Variants in SLIT2 observed in about 807,000 individuals in gnomAD.
SLIT2 encodes the protein slit guidance ligand 2.
A neutral mutation model predicts 185.7 loss-of-function variants in SLIT2; 41 were observed. The ratio of observed to expected loss-of-function variants is 0.22; its 90% CI spans 0.17 to 0.29. The LOEUF (loss-of-function observed/expected upper bound fraction) is 0.29, where lower values mean the gene tolerates loss of function less well. Among genes scored for constraint, SLIT2 ranks in the 10% least tolerant of loss-of-function variants. The pLI, the probability that SLIT2 is intolerant of heterozygous loss-of-function variation, is 1.00. For synonymous variants in SLIT2, 693 were observed against 680.2 expected, an observed-to-expected ratio of 1.02 and a Z score of -0.29; for missense variants, 1,571 against 1,909.0, an observed-to-expected ratio of 0.82 and a Z score of 3.30.
At chr4:20,511,600 T>TTTTTTTTTTTTTTTTTTTTA in intron 11 of SLIT2, among the ~76,000 whole-genome samples, 1 of 141,842 alleles carries the variant, frequency 7.1e-6, no homozygotes, top group African/African-American at 2.6e-5. Context: ...TTTTTTTTTT[T>TTTTTTTTTTTTTTTTTTTTA]TTTATTTTTG....
At chr4:20,512,550 T>G (rs1719852983) in intron 11 of SLIT2, among the ~76,000 whole-genome samples, 1 of 152,288 alleles carries the variant, frequency 6.6e-6, no homozygotes, top group South Asian at 2.1e-4. Context: ...TGTAGTCATG[T>G]ATTGCTCTCA....
intron 4 of SLIT2, among the ~76,000 whole-genome samples, chr4:20,432,233 CTT>C (rs1206666369): frequency 3.3e-5 from 5 of 152,132 alleles, no homozygotes; most frequent in Non-Finnish European, 7.4e-5. Context: ...ACCTTTCTCT[CTT>C]TTTGTCTCTC....
chr4:20,589,613 C>G (rs1459666429), intron 29 of SLIT2, 31 bp from the exon 30 acceptor site: 3 of 1,564,716 alleles, frequency 1.9e-6, no homozygotes, highest in Non-Finnish European at 2.6e-6. Flanking sequence ...TGACCTTTTT[C>G]TATGAGCTAA....
At chr4:20,287,889 TA>T (rs199693804) in intron 4 of SLIT2, among the ~76,000 whole-genome samples, 64 of 151,382 alleles carry the variant, frequency 4.2e-4, no homozygotes, top group African/African-American at 1.4e-3. Context: ...CAATTTTCTT[TA>T]AAAAAAAAGC....
intron 4 of SLIT2, among the ~76,000 whole-genome samples, chr4:20,320,351 G>A (rs906438014): frequency 5.9e-5 from 9 of 152,062 alleles, no homozygotes; most frequent in African/African-American, 2.2e-4. Context: ...TGGTGTCATG[G>A]TGGAATCACT....
chr4:20,287,707 A>G (rs1409540868), intron 4 of SLIT2, among the ~76,000 whole-genome samples: 2 of 152,196 alleles, frequency 1.3e-5, no homozygotes, highest in Non-Finnish European at 2.9e-5. Context: ...AAATGATCAT[A>G]TAGTGAGTAT....
At chr4:20,387,929 C>G (rs535209505) in intron 4 of SLIT2, among the ~76,000 whole-genome samples, 1 of 151,926 alleles carries the variant, frequency 6.6e-6, no homozygotes, top group South Asian at 2.1e-4. Context: ...CACTTCTACC[C>G]CAAAGCAAGC....
rs1338439795 is a variant in SLIT2, at chr4:20,528,108, T to C, written c.1463-841T>C. Among the ~76,000 whole-genome samples the C allele has an allele frequency of 2.0e-5, 3 of 152,206 alleles. No homozygotes were observed. The East Asian group carries it at 5.8e-4, about 29-fold the overall frequency. On this transcript the variant is annotated intron_variant, in intron 15 of 36. Transcript: ENST00000504154. The surrounding 1 kb of genome is among the most constrained non-coding windows in gnomAD (Gnocchi z 4.2). ...CCTTTTCCATATAGCCCCTTCTTTG[T>C]GTTTCCAGGAAATCATCGGTAGTAA... is the stretch of plus-strand genomic sequence containing the variant.
chr4:20,500,167 G>A (rs183217814), intron 9 of SLIT2, among the ~76,000 whole-genome samples: 1 of 152,222 alleles, frequency 6.6e-6, no homozygotes, highest in African/African-American at 2.4e-5. Context: ...TAACAAGTAG[G>A]TTGGCAATTT....
At chr4:20,472,248 A>ATATAGATCTATATATAGATATATATC (rs1560452390) in intron 5 of SLIT2, among the ~76,000 whole-genome samples, 30 of 38,724 alleles carry the variant, frequency 7.7e-4, no homozygotes, top group South Asian at 2.4e-3. Context: ...CTATATATCT[A>ATATAGATCTATATATAGATATATATC]TATATAGATC....
rs539918669 is a variant in SLIT2 at position 20,313,051 on chromosome 4, G to A, written c.395+44170G>A. The stretch of plus-strand genomic sequence containing the variant: ...TGAGGGAGAATTTTGCTTGTAAACC[G>A]TATTAATTTGGTAGATCGCATTCTA... On this transcript the variant is annotated intron_variant, in intron 4 of 36. Transcript: ENST00000504154. 7.2e-4 allele frequency among the ~76,000 whole-genome samples: 109 copies of A among 152,202 alleles called. 3 individuals are homozygous for A. In the South Asian group the frequency reaches 0.02, roughly 28 times the overall value.
rs1184848788 is a variant in SLIT2, at chr4:20,406,856, T to C, written c.396-60896T>C. 3.7e-5 allele frequency among the ~76,000 whole-genome samples: 4 copies of C among 107,768 alleles called. 1 individual carries two copies. The highest frequency in any genetic ancestry group is 9.0e-5 in the Non-Finnish European group (4 of 44,530). The allele number at this position is 107,768 out of a possible 152,430, so 70.7% of individuals were successfully genotyped here. A position where few individuals can be genotyped will look rare whatever the true frequency, so the allele number is the denominator to read the frequency against. Reference sequence around the variant, plus strand: ...AATATTTGTATATCAAACAATGTACTGGATGTTCATTACGGTGGTATTGTT... The same window carrying C: ...AATATTTGTATATCAAACAATGTACCGGATGTTCATTACGGTGGTATTGTT... On this transcript the variant is annotated intron_variant, in intron 4 of 36. Transcript: ENST00000504154.
chr4:20,347,397 T>C (rs1290526619), intron 4 of SLIT2, among the ~76,000 whole-genome samples: 1 of 152,202 alleles, frequency 6.6e-6, no homozygotes, highest in Non-Finnish European at 1.5e-5. Context: ...TTTGTATAAA[T>C]TTAGGGGTAC....
chr4:20,533,934 T>TACACACAC (rs3049205), intron 18 of SLIT2, among the ~76,000 whole-genome samples: 85 of 151,102 alleles, frequency 5.6e-4, no homozygotes, highest in African/African-American at 3.9e-4. Flanking sequence ...CGATGTGTGT[T>TACACACAC]ACACACACAC....
chr4:20,593,179 A>T (rs565719895), intron 30 of SLIT2, among the ~76,000 whole-genome samples: 2 of 152,162 alleles, frequency 1.3e-5, no homozygotes, highest in Non-Finnish European at 1.5e-5. Context: ...GAATTATTTT[A>T]AAAACCAGCC....
intron 4 of SLIT2, among the ~76,000 whole-genome samples, chr4:20,354,130 A>G: frequency 6.6e-6 from 1 of 152,150 alleles, no homozygotes; most frequent in East Asian, 1.9e-4. Context: ...CCTCAAATTA[A>G]CTACCAGGCA....
chr4:20,539,554 C>T lies in SLIT2; in HGVS notation c.1946C>T (p.Ala649Val), dbSNP rs780741171. Reference sequence around the variant, plus strand: ...CAAATTACTACAGTTGCACCAGGGGCATTTGATACTCTCCATTCTTTATCT... The same window carrying T: ...CAAATTACTACAGTTGCACCAGGGGTATTTGATACTCTCCATTCTTTATCT... ...DNQITTVAPG[A>V]FDTLHSLSTL... Residue 649 changes from alanine to valine, a missense_variant, in exon 19 of 37, where the codon GCA becomes GTA. Physicochemically the swap from Ala to Val is moderately conservative, Grantham distance 64. Transcript: ENST00000504154. 9.9e-6 allele frequency: 16 copies of T among 1,611,602 alleles called. No homozygotes were observed. Among genetic ancestry groups the T allele is most frequent in the African/African-American group, 1.3e-5 (1 of 74,840 alleles).
chr4:20,496,858 C>T (rs1359240486), intron 9 of SLIT2, among the ~76,000 whole-genome samples: 2 of 152,046 alleles, frequency 1.3e-5, no homozygotes, highest in African/African-American at 4.8e-5. Context: ...CTGTATTAAC[C>T]AAATTTGATA....
At chr4:20,290,089 C>T (rs1028050032) in intron 4 of SLIT2, among the ~76,000 whole-genome samples, 1 of 152,186 alleles carries the variant, frequency 6.6e-6, no homozygotes, top group Admixed American at 6.5e-5. Context: ...CTCCCTACAC[C>T]TGGCCATTCT....
Sources: gnomAD v4.1 joint callset for allele counts (sites outside exome capture counted in the v4.1 genomes callset) on GRCh38, gnomAD v4.1.1 for gene constraint, Gnocchi (gnomAD v3.1) non-coding constraint, MANE v1.5 for transcripts, NCBI Gene and HGNC (gene_info 2026-07-23, HGNC 2026-07-21) for gene names.